The following ASGR1 variants were observed in gnomAD, a reference collection of about 807,000 sequenced individuals.
ASGR1 encodes asialoglycoprotein receptor 1, also known as C-type lectin domain family 4 member H1.
ASGR1 carries 35 observed loss-of-function variants against 33.1 expected under a neutral mutation model. The observed-to-expected ratio is 1.06, with a 90% CI of 0.81 to 1.40. ASGR1 has a LOEUF of 1.40. Among genes scored for constraint, ASGR1 ranks in the 40% most tolerant of loss-of-function variants. ASGR1 has a pLI of 0.00. For synonymous variants in ASGR1, 142 were observed against 152.5 expected (o/e 0.93, Z 0.51); for missense variants, 396 against 373.7 (o/e 1.06, Z -0.49).
intron 5 of ASGR1, among the ~76,000 whole-genome samples, chr17:7,175,532 GCA>G (rs1309025389): frequency 1.3e-5 from 2 of 148,374 alleles, no homozygotes; most frequent in Admixed American, 6.7e-5. Flanking sequence ...TTTCACACAT[GCA>G]CACACAATGC....
rs77792739 is a variant in ASGR1 at position 7,174,577 on chromosome 17, A to G, written c.356-117T>C. The G allele has an allele frequency of 4.7e-3, 4,971 of 1,050,126 alleles. 147 individuals carry two copies. In the African/African-American group the frequency reaches 0.068, roughly 14 times the overall value. 65.1% of individuals were successfully genotyped at this position (1,050,126 alleles called of 1,614,324 possible). On this transcript the variant is annotated intron_variant, in intron 5 of 8. Transcript: ENST00000269299. ...GGACCCGAACACCCGTCGCATTGCC[A>G]CAAACAGCAGCGGAGTTGGCCTGAG...
At position 7,174,143 on chromosome 17, in the gene ASGR1, C is replaced by G; in HGVS notation, c.589G>C (p.Glu197Gln). Residue 197 changes from glutamate to glutamine, a missense_variant, in exon 7 of 9, where the codon GAG (glutamate) becomes CAG (glutamine). By Grantham distance (29) the Glu-to-Gln change is conservative (BLOSUM62 2). Transcript: ENST00000269299. ...CAGACCCTCCGGGTCCTCACCTGCT[C>G]CTCCCAGGACGTGACCACCACCAGG... The part of the protein sequence containing the change: ...AHLVVVTSWE[E>Q]QKFVQHHIGP... The G allele has an allele frequency of 6.2e-7, 1 of 1,614,066 alleles. No homozygotes were observed. Among genetic ancestry groups the G allele is most frequent in the Non-Finnish European group, 8.5e-7 (1 of 1,179,950 alleles).
In ASGR1 at chr17:7,176,936, CCCCCAGCCCCAG is replaced by C. The variant is rs754165241; in HGVS notation, c.283+33_284-36del. ...AGGCTCGCTCAGCGTTCCCGACAGCCCCCCAGCCCCAGCCCCAGCCCCAGCCCCGCCCCAGCG... is the reference window on the plus strand; with the variant it reads ...AGGCTCGCTCAGCGTTCCCGACAGCCCCCCAGCCCCAGCCCCGCCCCAGCG... On this transcript the variant is annotated intron_variant, in intron 4 of 8. Transcript: ENST00000269299. 5.5e-3 allele frequency: 8,801 copies of C among 1,608,602 alleles called. 36 individuals are homozygous for C. The highest frequency in any genetic ancestry group is 7.0e-3 in the Non-Finnish European group (8,197 of 1,178,848).
At chr17:7,175,924 C>T (rs943538475) in intron 5 of ASGR1, among the ~76,000 whole-genome samples, 9 of 147,932 alleles carry the variant, frequency 6.1e-5, no homozygotes, top group African/African-American at 2.0e-4. Context: ...GACACAATCC[C>T]TCTCATTCCC....
chr17:7,174,071 A>G lies in ASGR1; in HGVS notation c.595-4T>C. 1 of 1,614,178 alleles carries G rather than the reference A, an allele frequency of 6.2e-7. No individual in the cohort carries two copies. Among genetic ancestry groups the G allele is most frequent in the Non-Finnish European group, 8.5e-7 (1 of 1,180,000 alleles). Reference sequence around the variant, plus strand: ...CTATGTGGTGCTGGACAAATTTCTGAGGAGAGAGAAGGCGGGTGGTGATCT... The same window carrying G: ...CTATGTGGTGCTGGACAAATTTCTGGGGAGAGAGAAGGCGGGTGGTGATCT... On this transcript the variant is annotated splice_polypyrimidine_tract_variant and splice_region_variant and intron_variant, in intron 7 of 8. Transcript: ENST00000269299.
In ASGR1 at chr17:7,173,891, A is replaced by G. The variant is rs2069163189; in HGVS notation, c.702-58T>C. 1 of 1,609,350 alleles carries G rather than the reference A, an allele frequency of 6.2e-7. No individual in the cohort carries two copies. Among genetic ancestry groups the G allele is most frequent in the African/African-American group, 1.3e-5 (1 of 74,850 alleles). ...GTCGGATCCGCAGGCGGGTCGCTCC[A>G]GACTCCTCAGCCCAGGGCCCCAGGG... On this transcript the variant is annotated intron_variant, in intron 8 of 8. Coordinates refer to ENST00000269299, the MANE Select transcript of ASGR1 (RefSeq NM_001671.5). The surrounding 1 kb of genome is among the most constrained non-coding windows in gnomAD (Gnocchi z 4.7).
chr17:7,176,333 C>A (rs573522755), intron 5 of ASGR1, among the ~76,000 whole-genome samples: 1 of 149,068 alleles, frequency 6.7e-6, no homozygotes, highest in East Asian at 2.0e-4. Context: ...ACCCCTCATT[C>A]TCACACTCTC....
At chr17:7,176,187 T>TCA (rs200274457) in intron 5 of ASGR1, among the ~76,000 whole-genome samples, 4 of 125,056 alleles carry the variant, frequency 3.2e-5, no homozygotes, top group South Asian at 5.6e-4. Flanking sequence ...ATTCTCACAC[T>TCA]CACACACACC....
rs1394097487 is a variant in ASGR1, at chr17:7,176,582, TCA to T, written c.355+246_355+247del. On this transcript the variant is annotated intron_variant, in intron 5 of 8. Coordinates refer to ENST00000269299, the MANE Select transcript of ASGR1 (RefSeq NM_001671.5). Reference sequence around the variant, plus strand: ...ACACACCTCATTCTCACACACAGACTCACACACACTCCATCTCATTCTCACAC... The same window carrying T: ...ACACACCTCATTCTCACACACAGACTCACACACTCCATCTCATTCTCACAC... The T allele has an allele frequency of 6.3e-4, 323 of 510,662 alleles. 2 individuals are homozygous for T. Among genetic ancestry groups the T allele is most frequent in the African/African-American group, 6.2e-3 (267 of 43,394 alleles). The allele number at this position is 510,662 out of a possible 1,614,324, so 31.6% of individuals were successfully genotyped here.
rs1481086373 is a variant in ASGR1, at chr17:7,178,762, G to A, written c.-25-174C>T. 1.9e-5 allele frequency: 9 copies of A among 478,108 alleles called. 1 individual carries two copies. The highest frequency in any genetic ancestry group is 1.2e-4 in the African/African-American group (5 of 42,810). 29.6% of individuals were successfully genotyped at this position (478,108 alleles called of 1,614,324 possible). A position where few individuals can be genotyped will look rare whatever the true frequency, so the allele number is the denominator to read the frequency against. Reference sequence around the variant, plus strand: ...TCTTTTTTTTTTTTTTTTTGAGAGGGAGTCTTGCTCTGTCCCCAGGCCGGA... The same window carrying A: ...TCTTTTTTTTTTTTTTTTTGAGAGGAAGTCTTGCTCTGTCCCCAGGCCGGA... On this transcript the variant is annotated intron_variant, in intron 1 of 8. Coordinates refer to ENST00000269299, the MANE Select transcript of ASGR1 (RefSeq NM_001671.5).
At chr17:7,177,397 G>A (rs2069231361) in intron 2 of ASGR1, 71 bp from the exon 3 acceptor site, 2 of 1,308,450 alleles carry the variant, frequency 1.5e-6, no homozygotes, top group South Asian at 2.5e-5. Context: ...GTCCTAAAAG[G>A]GTAGCAAGCT....
Position 7,174,273 on chromosome 17 carries a change from G to A in ASGR1, c.459C>T (p.Cys153=), listed in dbSNP as rs144251057. 91 of 1,613,926 alleles carry A rather than the reference G, an allele frequency of 5.6e-5. No individual in the cohort carries two copies. Among genetic ancestry groups the A allele is most frequent in the Non-Finnish European group, 6.4e-5 (76 of 1,179,944 alleles). Residue 153 remains cysteine, a synonymous_variant, in exon 7 of 9, where the codon TGC becomes TGT. Coordinates refer to ENST00000269299, the MANE Select transcript of ASGR1 (RefSeq NM_001671.5). ...ALQGNGSERT[C]CPVNWVEHER... is the part of the protein sequence containing the mutation. ...CGTGCTCCACCCAGTTGACCGGGCA[G>A]CAGGTCCTTTCTGAGCCTGAGCGGG...
intron 1 of ASGR1, 145 bp from the exon 2 acceptor site, chr17:7,178,733 CTTTTCTTTT>C (rs2069245117): frequency 1.9e-3 from 373 of 192,398 alleles, no homozygotes; most frequent in Middle Eastern, 2.8e-3. Flanking sequence ...TCTTTTTTTT[CTTTTCTTTT>C]TTTTTTTTTT....
chr17:7,178,301 C>T, intron 2 of ASGR1, 193 bp downstream of exon 2: 1 of 627,232 alleles, frequency 1.6e-6, no homozygotes, highest in South Asian at 1.9e-5. Context: ...GCACCTGTCA[C>T]CAATAAAGGG....
Position 7,177,303 on chromosome 17 carries a change from G to A in ASGR1, c.94C>T (p.Leu32=). The change falls in exon 3 of 9, where the codon CTG becomes TTG. Residue 32 remains leucine, a synonymous_variant. Coordinates refer to ENST00000269299, the MANE Select transcript of ASGR1 (RefSeq NM_001671.5). ...RKGPPPPQPL[L]QRLCSGPRLL... The stretch of plus-strand genomic sequence containing the variant: ...CGAGGTCCGGAGCAGAGACGCTGCA[G>A]GAGGGGCTGGGGAGGAGGTGGCCCT... 6.2e-7 allele frequency: 1 copy of A among 1,613,766 alleles called. No homozygotes were observed. The highest frequency in any genetic ancestry group is 8.5e-7 in the Non-Finnish European group (1 of 1,179,868).
chr17:7,176,549 TCACA>T lies in ASGR1; in HGVS notation c.355+277_355+280del, dbSNP rs377268365. The T allele has an allele frequency of 8.3e-4, 404 of 487,190 alleles. 3 individuals carry two copies. The highest frequency in any genetic ancestry group is 5.3e-3 in the African/African-American group (243 of 45,490). 30.2% of individuals were successfully genotyped at this position (487,190 alleles called of 1,614,324 possible). ...TTCCCACACACACACCATCTCATTC[TCACA>T]CACACACACCTCATTCTCACACACA... On this transcript the variant is annotated intron_variant, in intron 5 of 8. Transcript: ENST00000269299.
rs778569666 is a variant in ASGR1, at chr17:7,177,220, G to C, written c.177C>G (p.Ile59Met). The change falls in exon 3 of 9, where the codon ATC (isoleucine) becomes ATG (methionine). Residue 59 changes from isoleucine (I) to methionine (M), a missense_variant. Transcript: ENST00000269299. The stretch of plus-strand genomic sequence containing the variant: ...CCCTGGGGCACCCACTTTGGGATCC[G>C]ATCACACAGACAACCACAAGCAGCA... Reference protein sequence around the residue: ...SLLLLVVVCVIGSQNSQLQEE... With the variant: ...SLLLLVVVCVMGSQNSQLQEE... 1.2e-6 allele frequency: 2 copies of C among 1,613,286 alleles called. No homozygotes were observed. Among genetic ancestry groups the C allele is most frequent in the African/African-American group, 2.7e-5 (2 of 74,652 alleles).
chr17:7,177,529 G>A, intron 2 of ASGR1: 1 of 554,194 alleles, frequency 1.8e-6, no homozygotes, highest in Non-Finnish European at 3.2e-6. Context: ...AGGGGGCTAA[G>A]CGCTGAGCCG....
intron 5 of ASGR1, among the ~76,000 whole-genome samples, chr17:7,176,160 GACACACACCCCATCTCATTCTCACACTC>G (rs1567793417): frequency 1.6e-4 from 19 of 116,222 alleles, no homozygotes; most frequent in African/African-American, 5.7e-4. Flanking sequence ...CTCACACACA[GACACACACCCCATCTCATTCTCACACTC>G]ACACACACCC....
Sources: gnomAD v4.1 joint callset for allele counts (sites outside exome capture counted in the v4.1 genomes callset) on GRCh38, gnomAD v4.1.1 for gene constraint, Gnocchi (gnomAD v3.1) non-coding constraint, MANE v1.5 for transcripts, NCBI Gene and HGNC (gene_info 2026-07-23, HGNC 2026-07-21) for gene names.